The following ST6GALNAC3 variants were observed in gnomAD, a reference collection of about 807,000 sequenced individuals.
ST6GALNAC3 encodes ST6 N-acetylgalactosaminide alpha-2,6-sialyltransferase 3.
In ST6GALNAC3, 25 loss-of-function variants were observed where a neutral mutation model predicts 32.7. The observed-to-expected ratio is 0.76, with a 90% CI of 0.56 to 1.07. The LOEUF (loss-of-function observed/expected upper bound fraction) is 1.07, where lower values mean the gene tolerates loss of function less well. Among genes scored for constraint, ST6GALNAC3 ranks in the 50% least tolerant of loss-of-function variants. The pLI is 0.00. For synonymous variants in ST6GALNAC3, 129 were observed against 133.1 expected (o/e 0.97, Z 0.21); for missense variants, 355 against 382.4 (o/e 0.93, Z 0.60).
intron 2 of ST6GALNAC3, among the ~76,000 whole-genome samples, chr1:76,396,389 C>T (rs760124367): frequency 6.6e-6 from 1 of 152,178 alleles, no homozygotes; most frequent in Non-Finnish European, 1.5e-5. Context: ...CACTTGAGCC[C>T]AGGAGGTAGA....
intron 2 of ST6GALNAC3, among the ~76,000 whole-genome samples, chr1:76,353,418 T>G (rs1268836813): frequency 6.6e-6 from 1 of 151,212 alleles, no homozygotes; most frequent in Non-Finnish European, 1.5e-5. Flanking sequence ...CTGCCCAACT[T>G]TTTTTTTTGT....
At chr1:76,531,278 T>A (rs1298877326) in intron 3 of ST6GALNAC3, among the ~76,000 whole-genome samples, 1 of 152,176 alleles carries the variant, frequency 6.6e-6, no homozygotes, top group Admixed American at 6.5e-5. Flanking sequence ...TTTATTAGCA[T>A]GTGTAAATAT....
chr1:76,583,498 A>G (rs1013514064), intron 3 of ST6GALNAC3, among the ~76,000 whole-genome samples: 1 of 152,154 alleles, frequency 6.6e-6, no homozygotes, highest in Non-Finnish European at 1.5e-5. Flanking sequence ...ATTATAAAAC[A>G]TCCCTGTAGG....
In ST6GALNAC3 at chr1:76,412,190, C is replaced by T. The variant is rs375460375; in HGVS notation, c.396C>T (p.Ser132=). The change falls in exon 3 of 5, where the codon AGC becomes AGT. Residue 132 remains serine, a synonymous_variant. Coordinates refer to ENST00000328299, the MANE Select transcript of ST6GALNAC3 (RefSeq NM_152996.4). ...MTMIRVVSHT[S]VPLLLKNPDY... ...TGATTCGAGTTGTGTCCCATACCAGCGTTCCTCTTTTGCTAAAAAACCCTG... is the reference window on the plus strand; with the variant it reads ...TGATTCGAGTTGTGTCCCATACCAGTGTTCCTCTTTTGCTAAAAAACCCTG... The T allele has an allele frequency of 3.0e-5, 49 of 1,613,474 alleles. No individual in the cohort carries two copies. The highest frequency in any genetic ancestry group is 1.6e-4 in the South Asian group (15 of 91,066).
intron 1 of ST6GALNAC3, among the ~76,000 whole-genome samples, chr1:76,154,035 G>C (rs748996104): frequency 2.6e-5 from 4 of 152,180 alleles, no homozygotes; most frequent in Non-Finnish European, 5.9e-5. Flanking sequence ...TGATGAGAAT[G>C]AGCTGCAAAC....
downstream of ST6GALNAC3, chr1:76,637,208 A>G (rs909044728): frequency 3.9e-5 from 6 of 152,148 alleles, no homozygotes; most frequent in African/African-American, 1.4e-4. Context: ...TATCTATATA[A>G]TCTTTCAAAA....
chr1:76,288,779 AAC>A (rs1167203713), intron 1 of ST6GALNAC3, among the ~76,000 whole-genome samples: 1 of 152,184 alleles, frequency 6.6e-6, no homozygotes, highest in Non-Finnish European at 1.5e-5. Context: ...GTGAATGTAA[AAC>A]ACAGGTGATG....
rs185340887 is a variant in ST6GALNAC3 at position 76,142,856 on chromosome 1, T to A, written c.18+67972T>A. On this transcript the variant is annotated intron_variant, in intron 1 of 4. Transcript: ENST00000328299. ...TTTTCTTTTAAATTTTTCATCTGCTTCTGGATCACATTGCTGTGAGCCACA... is the reference window on the plus strand; with the variant it reads ...TTTTCTTTTAAATTTTTCATCTGCTACTGGATCACATTGCTGTGAGCCACA... 3 of 455,326 alleles carry A rather than the reference T, an allele frequency of 6.6e-6. No individual in the cohort carries two copies. In the East Asian group the frequency reaches 2.1e-4, roughly 32 times the overall value. The allele number at this position is 455,326 out of a possible 1,614,324, so 28.2% of individuals were successfully genotyped here.
rs1026414763 is a variant in ST6GALNAC3, at chr1:76,307,266, A to T, written c.19-6539A>T. 2.9e-4 allele frequency among the ~76,000 whole-genome samples: 44 copies of T among 152,124 alleles called. 1 individual carries two copies. The highest frequency in any genetic ancestry group is 2.9e-3 in the Admixed American group (44 of 15,258). ...AGTTCACTATAGTTTAATAAGCGGG[A>T]TACACCCAGATTTTTGATTCAACGA... On this transcript the variant is annotated intron_variant, in intron 1 of 4. Transcript: ENST00000328299.
intron 3 of ST6GALNAC3, among the ~76,000 whole-genome samples, chr1:76,605,946 A>G (rs900516965): frequency 2.6e-5 from 4 of 151,608 alleles, no homozygotes; most frequent in African/African-American, 9.7e-5. Context: ...ATGTGGCCAA[A>G]AACCATGTAA....
At chr1:76,099,408 G>A (rs1420852881) in intron 1 of ST6GALNAC3, among the ~76,000 whole-genome samples, 6 of 152,116 alleles carry the variant, frequency 3.9e-5, no homozygotes, top group Non-Finnish European at 5.9e-5. Context: ...AGTGGTACAT[G>A]CATATATTCA....
intron 3 of ST6GALNAC3, among the ~76,000 whole-genome samples, chr1:76,424,546 T>C (rs1008761354): frequency 6.6e-6 from 1 of 151,862 alleles, no homozygotes; most frequent in Non-Finnish European, 1.5e-5. Flanking sequence ...TCAATAGGAG[T>C]AACCCATTAT....
At chr1:76,367,428 C>T (rs1480123964) in intron 2 of ST6GALNAC3, among the ~76,000 whole-genome samples, 1 of 151,908 alleles carries the variant, frequency 6.6e-6, no homozygotes, top group East Asian at 1.9e-4. Context: ...TTATCTGGAT[C>T]CTTGTGGGCA....
At chr1:76,220,341 C>T (rs1044785020) in intron 1 of ST6GALNAC3, among the ~76,000 whole-genome samples, 1 of 152,124 alleles carries the variant, frequency 6.6e-6, no homozygotes, top group Non-Finnish European at 1.5e-5. Context: ...ATAAGTAAAT[C>T]CTCTTTGCTT....
At chr1:76,123,378 C>CA (rs869281587) in intron 1 of ST6GALNAC3, among the ~76,000 whole-genome samples, 8,830 of 62,726 alleles carry the variant, frequency 0.14, 445 homozygotes, top group Middle Eastern at 0.33. Flanking sequence ...GGCTCCATCT[C>CA]AAAAAAAAAA....
chr1:76,621,575 G>A (rs946685416), intron 3 of ST6GALNAC3, among the ~76,000 whole-genome samples: 1 of 152,004 alleles, frequency 6.6e-6, no homozygotes, highest in Non-Finnish European at 1.5e-5. Context: ...ACTATTGAAT[G>A]ATATACAAAA....
chr1:76,204,433 A>G (rs1053555547), intron 1 of ST6GALNAC3, among the ~76,000 whole-genome samples: 2 of 152,206 alleles, frequency 1.3e-5, no homozygotes, highest in Admixed American at 1.3e-4. Flanking sequence ...GGAATTGAGA[A>G]CTAGATAGAT....
At chr1:76,393,312 A>G (rs138239813) in intron 2 of ST6GALNAC3, among the ~76,000 whole-genome samples, 1 of 152,316 alleles carries the variant, frequency 6.6e-6, no homozygotes, top group East Asian at 1.9e-4. Context: ...GTCTTTAGAA[A>G]GTCTTCAGAA....
intron 1 of ST6GALNAC3, among the ~76,000 whole-genome samples, chr1:76,210,517 AC>A (rs1413888687): frequency 6.6e-6 from 1 of 152,114 alleles, no homozygotes; most frequent in Non-Finnish European, 1.5e-5. Flanking sequence ...TTTTGTATCC[AC>A]CCTTATATTA....
Sources: gnomAD v4.1 joint callset for allele counts (sites outside exome capture counted in the v4.1 genomes callset) on GRCh38, gnomAD v4.1.1 for gene constraint, MANE v1.5 for transcripts, NCBI Gene and HGNC (gene_info 2026-07-23, HGNC 2026-07-21) for gene names.